AIMP1: variants seen among roughly 807,000 people sequenced by gnomAD.
The protein encoded by AIMP1 is aminoacyl tRNA synthetase complex interacting multifunctional protein 1, also known as aminoacyl tRNA synthase complex-interacting multifunctional protein 1.
In AIMP1, 24 loss-of-function variants were observed where a neutral mutation model predicts 33.1. That is an observed-to-expected ratio of 0.73 (90% CI 0.53 to 1.02). The LOEUF (loss-of-function observed/expected upper bound fraction) is 1.02. Ranked by LOEUF, AIMP1 falls within the 50% of genes least tolerant of loss-of-function variation. The pLI is 0.00. For missense variants in AIMP1, 367 were observed against 364.8 expected (o/e 1.01, Z -0.05); for synonymous variants, 120 against 121.5 (o/e 0.99, Z 0.08).
rs577956946 is a variant in AIMP1, at chr4:106,321,869, T to G, written c.-25-3116T>G. The stretch of plus-strand genomic sequence containing the variant: ...TGTACTAAGAAAAATTCTTCTGCCT[T>G]GGGATGCTGTTAATCTATAACCTTA... On this transcript the variant is annotated intron_variant, in intron 1 of 6. Transcript: ENST00000672341. Among the ~76,000 whole-genome samples, 583 of 152,320 alleles carry G rather than the reference T, an allele frequency of 3.8e-3. 6 individuals carry two copies. The highest frequency in any genetic ancestry group is 0.013 in the African/African-American group (538 of 41,572).
chr4:106,342,276 T>G (rs1770126797), intron 6 of AIMP1, among the ~76,000 whole-genome samples: 1 of 152,218 alleles, frequency 6.6e-6, no homozygotes, highest in African/African-American at 2.4e-5. Context: ...TGGATGCCTT[T>G]TCTTTCTCTT....
intron 2 of AIMP1, among the ~76,000 whole-genome samples, chr4:106,326,055 C>T (rs1036966167): frequency 6.6e-6 from 1 of 151,890 alleles, no homozygotes; most frequent in Non-Finnish European, 1.5e-5. Context: ...AGTCAGACTG[C>T]CTTTGTGTAG....
chr4:106,327,708 T>G (rs1454561867), intron 3 of AIMP1, 144 bp downstream of exon 3: 4 of 640,482 alleles, frequency 6.2e-6, no homozygotes, highest in Non-Finnish European at 1.1e-5. Context: ...ATCAATAAAA[T>G]GGGGGCATGG....
chr4:106,340,641 T>C (rs1464164778), intron 6 of AIMP1, among the ~76,000 whole-genome samples: 1 of 152,232 alleles, frequency 6.6e-6, no homozygotes, highest in East Asian at 1.9e-4. Flanking sequence ...TAAGGCTGCA[T>C]GGTATTCCAT....
At chr4:106,341,006 C>G (rs565176515) in intron 6 of AIMP1, among the ~76,000 whole-genome samples, 32 of 152,178 alleles carry the variant, frequency 2.1e-4, no homozygotes, top group Admixed American at 1.6e-3. Flanking sequence ...ATTTGCACTT[C>G]TGTGATGTTG....
chr4:106,325,496 C>T (rs1769422090), intron 2 of AIMP1, among the ~76,000 whole-genome samples: 1 of 150,474 alleles, frequency 6.6e-6, no homozygotes, highest in Admixed American at 6.6e-5. Context: ...TAGTGTTTCT[C>T]GAGATTTTAA....
At chr4:106,337,415 G>GA (rs1246984702) in intron 6 of AIMP1, among the ~76,000 whole-genome samples, 1 of 152,094 alleles carries the variant, frequency 6.6e-6, no homozygotes, top group Non-Finnish European at 1.5e-5. Context: ...AGTCTCATGA[G>GA]ATCTCATGGT....
At chr4:106,316,392 G>A (rs764982680), upstream of AIMP1, 2 of 697,048 alleles carry the variant, frequency 2.9e-6, no homozygotes, top group Non-Finnish European at 5.0e-6. Flanking sequence ...GTGAGGGAAT[G>A]GAAGACGAGG....
chr4:106,334,779 C>G (rs1462956043), intron 5 of AIMP1, among the ~76,000 whole-genome samples: 2 of 152,030 alleles, frequency 1.3e-5, no homozygotes, highest in African/African-American at 4.8e-5. Context: ...AAGAAAGTGA[C>G]ATTTGAGTAA....
chr4:106,347,808 C>A lies in AIMP1; in HGVS notation c.*116C>A. 9.3e-7 allele frequency: 1 copy of A among 1,077,414 alleles called. No individual in the cohort carries two copies. Among genetic ancestry groups the A allele is most frequent in the Non-Finnish European group, 1.3e-6 (1 of 741,912 alleles). 66.7% of individuals were successfully genotyped at this position (1,077,414 alleles called of 1,614,324 possible). On this transcript the variant is annotated 3_prime_UTR_variant, in exon 7 of 7. Transcript: ENST00000672341. ...CATTTTTGCATTACTCTCTTCTAGA[C>A]TTGACTAGTCATTTACTTGGTATAT...
rs1561036414 is a variant in AIMP1 at position 106,349,181 on chromosome 4, T to G, written c.*1489T>G. ...ATGAATTTCAAAAGTTACTTTGTTC[T>G]CAAGATATGTCATTCTTTTGGGAAT... On this transcript the variant is annotated 3_prime_UTR_variant, in exon 7 of 7. Transcript: ENST00000672341. 6.6e-6 allele frequency: 1 copy of G among 152,098 alleles called. No individual in the cohort carries two copies. Among genetic ancestry groups the G allele is most frequent in the Non-Finnish European group, 1.5e-5 (1 of 67,998 alleles). 9.4% of individuals were successfully genotyped at this position (152,098 alleles called of 1,614,324 possible).
intron 1 of AIMP1, among the ~76,000 whole-genome samples, chr4:106,322,915 C>T (rs994381944): frequency 4.0e-5 from 6 of 150,092 alleles, no homozygotes; most frequent in Non-Finnish European, 8.8e-5. Context: ...ACCCAGGAGA[C>T]GGAGGTTGCA....
At chr4:106,338,354 A>G (rs1769968327) in intron 6 of AIMP1, among the ~76,000 whole-genome samples, 1 of 152,218 alleles carries the variant, frequency 6.6e-6, no homozygotes, top group South Asian at 2.1e-4. Context: ...GCCTAGGAAG[A>G]AAAAATGGTT....
chr4:106,347,899 G>C lies in AIMP1; in HGVS notation c.*207G>C, dbSNP rs897794136. ...GGTTTTTGATCATTTATAATGGAGA[G>C]AGGAAGTTGCCTATGTTTTGTAATA... On this transcript the variant is annotated 3_prime_UTR_variant, in exon 7 of 7. Coordinates refer to ENST00000672341, the MANE Select transcript of AIMP1 (RefSeq NM_001142416.2). The C allele has an allele frequency of 2.3e-6, 1 of 439,758 alleles. No individual in the cohort carries two copies. Among genetic ancestry groups the C allele is most frequent in the African/African-American group, 2.0e-5 (1 of 49,148 alleles). The allele number at this position is 439,758 out of a possible 1,614,324, so 27.2% of individuals were successfully genotyped here.
chr4:106,320,794 C>T (rs1048509454), intron 1 of AIMP1, among the ~76,000 whole-genome samples: 4 of 152,124 alleles, frequency 2.6e-5, no homozygotes, highest in African/African-American at 4.8e-5. Context: ...CCTCTGATGC[C>T]GAGCCGAGGC....
chr4:106,331,700 A>G lies in AIMP1; in HGVS notation c.420A>G (p.Ser140=), dbSNP rs374629021. 6.2e-7 allele frequency: 1 copy of G among 1,614,140 alleles called. No individual in the cohort carries two copies. Among genetic ancestry groups the G allele is most frequent in the Non-Finnish European group, 8.5e-7 (1 of 1,179,976 alleles). The part of the protein sequence containing the change: ...KGEKKEKKQQ[S]IAGSADSKPI... The stretch of plus-strand genomic sequence containing the variant: ...AGAAGAAGGAGAAAAAACAGCAATC[A>G]ATAGCTGGAAGTGCCGACTCTAAGC... The change falls in exon 5 of 7, where the codon TCA becomes TCG. Residue 140 remains serine, a synonymous_variant. Coordinates refer to ENST00000672341, the MANE Select transcript of AIMP1 (RefSeq NM_001142416.2).
At chr4:106,324,654 C>CA (rs1769393334) in intron 1 of AIMP1, among the ~76,000 whole-genome samples, 1 of 152,002 alleles carries the variant, frequency 6.6e-6, no homozygotes, top group African/African-American at 2.4e-5. Context: ...ATGTAATACT[C>CA]ATTAGCATAG....
rs542319903 is a variant in AIMP1, at chr4:106,321,139, C to T, written c.-25-3846C>T. ...CGCCTGCCTTGGCCTCCCAAAGTGC[C>T]GAGATTGCAGCCTCTGCCCGGCCGC... On this transcript the variant is annotated intron_variant, in intron 1 of 6. Transcript: ENST00000672341. 3.8e-4 allele frequency: 65 copies of T among 173,072 alleles called. No individual in the cohort carries two copies. The East Asian group carries it at 6.9e-3, about 18-fold the overall frequency. The allele number at this position is 173,072 out of a possible 1,614,324, so 10.7% of individuals were successfully genotyped here. A position where few individuals can be genotyped will look rare whatever the true frequency, so the allele number is the denominator to read the frequency against.
Position 106,337,002 on chromosome 4 carries a change from T to C in AIMP1, c.737T>C (p.Val246Ala). 1 of 1,614,168 alleles carries C rather than the reference T, an allele frequency of 6.2e-7. No homozygotes were observed. Among genetic ancestry groups the C allele is most frequent in the South Asian group, 1.1e-5 (1 of 91,090 alleles). ...ATCTTGGCTCCTCCAAATGGGTCTGTTCCTGGAGACAGAATTACTTTTGAT... is the reference window on the plus strand; with the variant it reads ...ATCTTGGCTCCTCCAAATGGGTCTGCTCCTGGAGACAGAATTACTTTTGAT... ...IEILAPPNGS[V>A]PGDRITFDAF... Residue 246 changes from valine to alanine, a missense_variant, in exon 6 of 7, where the codon GTT becomes GCT. Coordinates refer to ENST00000672341, the MANE Select transcript of AIMP1 (RefSeq NM_001142416.2).
Sources: allele counts gnomAD v4.1 joint callset (sites outside exome capture counted in the v4.1 genomes callset), GRCh38; gene constraint gnomAD v4.1.1; transcripts MANE v1.5; gene names NCBI Gene and HGNC (gene_info 2026-07-23, HGNC 2026-07-21).